Variants in TMEM175 observed in about 807,000 individuals in gnomAD.
TMEM175 encodes the protein transmembrane protein 175, also known as endosomal/lysosomal proton channel TMEM175.
A neutral mutation model predicts 36.5 loss-of-function variants in TMEM175; 36 were observed. The ratio of observed to expected loss-of-function variants is 0.99; its 90% CI spans 0.76 to 1.30. TMEM175 has a LOEUF of 1.30. Ranked by LOEUF, TMEM175 falls within the 50% of genes most tolerant of loss-of-function variation. The probability of loss-of-function intolerance (pLI) is 0.00; values close to 1 mark genes in which losing one functional copy is unlikely to be tolerated. For missense variants in TMEM175, 705 were observed against 692.8 expected, an observed-to-expected ratio of 1.02 and a Z score of -0.20; for synonymous variants, 339 against 313.4, an observed-to-expected ratio of 1.08 and a Z score of -0.86.
intron 10 of TMEM175, chr4:956,443 G>GTTTTTTTTTTTTTTTT: frequency 8.3e-7 from 1 of 1,210,910 alleles, no homozygotes; most frequent in African/African-American, 1.7e-5. Context: ...TTTTTGTGGG[G>GTTTTTTTTTTTTTTTT]TTTTTTTTTT....
At chr4:938,510 AAAG>A (rs1418589556) in intron 1 of TMEM175, among the ~76,000 whole-genome samples, 2 of 152,200 alleles carry the variant, frequency 1.3e-5, no homozygotes, top group African/African-American at 4.8e-5. Flanking sequence ...TCTCCAAAAA[AAAG>A]AAAAAAAAAT....
intron 2 of TMEM175, 66 bp from the exon 3 acceptor site, chr4:948,050 C>T (rs1336139025): frequency 2.5e-6 from 4 of 1,613,428 alleles, no homozygotes; most frequent in Non-Finnish European, 3.4e-6. Context: ...GTCCCCAGTA[C>T]TGCCACACCC....
intron 5 of TMEM175, 101 bp downstream of exon 5, chr4:951,359 G>C: frequency 7.4e-7 from 1 of 1,343,628 alleles, no homozygotes. Flanking sequence ...GTGACCTCCA[G>C]GGAGTCTCGG....
chr4:945,052 G>A lies in TMEM175; in HGVS notation c.-31-2657G>A, dbSNP rs572050570. 7.2e-5 allele frequency among the ~76,000 whole-genome samples: 11 copies of A among 152,296 alleles called. No individual in the cohort carries two copies. In the East Asian group the frequency reaches 1.5e-3, roughly 21 times the overall value. On this transcript the variant is annotated intron_variant, in intron 1 of 10. Transcript: ENST00000264771. ...TAGGAGGTCGAGGCTGCAGTGAGCCGTGATTACGCCACTGCCCTCCAGCGT... is the reference window on the plus strand; with the variant it reads ...TAGGAGGTCGAGGCTGCAGTGAGCCATGATTACGCCACTGCCCTCCAGCGT...
intron 1 of TMEM175, among the ~76,000 whole-genome samples, chr4:945,076 G>A (rs756944907): frequency 1.3e-4 from 19 of 146,306 alleles, no homozygotes; most frequent in Non-Finnish European, 2.6e-4. Flanking sequence ...GCCCTCCAGC[G>A]TGGGCAACAG....
chr4:949,752 G>A (rs935977), intron 3 of TMEM175, among the ~76,000 whole-genome samples: 57,092 of 146,018 alleles, frequency 0.39, 10,962 homozygotes, highest in African/African-American at 0.5. Flanking sequence ...CGCCCACCGC[G>A]GCCCCCAGGG....
At position 951,714 on chromosome 4, in the gene TMEM175, C is replaced by T. The variant is rs753319393; in HGVS notation, c.375C>T (p.Tyr125=). ...TGATGACCATCACCTTCCTGCCTTA[C>T]ACGGTGAGCAACACCAGGCCCCTGA... The part of the protein sequence containing the change: ...ACMMTITFLP[Y]TFSLMVTFPD... The change falls in exon 6 of 11, where the codon TAC becomes TAT. Residue 125 remains tyrosine, a synonymous_variant. Transcript: ENST00000264771. 4 of 1,614,154 alleles carry T rather than the reference C, an allele frequency of 2.5e-6. No individual in the cohort carries two copies. Among genetic ancestry groups the T allele is most frequent in the South Asian group, 2.2e-5 (2 of 91,086 alleles).
intron 3 of TMEM175, among the ~76,000 whole-genome samples, chr4:950,138 G>T (rs549842046): frequency 6.2e-4 from 94 of 152,124 alleles, no homozygotes; most frequent in African/African-American, 2.0e-3. Context: ...ACACCTGTGG[G>T]TGTGGGCATG....
chr4:934,656 T>TA (rs915190315), intron 1 of TMEM175, among the ~76,000 whole-genome samples: 2 of 152,214 alleles, frequency 1.3e-5, no homozygotes, highest in African/African-American at 4.8e-5. Flanking sequence ...TCCAGGGAGC[T>TA]ACAAGGGTGA....
At chr4:954,017 C>T (rs576483992) in intron 8 of TMEM175, among the ~76,000 whole-genome samples, 151 of 150,662 alleles carry the variant, frequency 1.0e-3, no homozygotes, top group Non-Finnish European at 1.9e-3. Flanking sequence ...TTTCTTGAGA[C>T]GGAGTTTTGC....
chr4:939,253 A>T (rs1412012520), intron 1 of TMEM175, among the ~76,000 whole-genome samples: 1 of 152,254 alleles, frequency 6.6e-6, no homozygotes, highest in Non-Finnish European at 1.5e-5. Context: ...TCAACAAATG[A>T]TACTGGAAAA....
Position 958,013 on chromosome 4 carries a change from G to GAC in TMEM175, c.1033_1034insCA (p.Asn345ThrfsTer14), listed in dbSNP as rs1729965156. 6.2e-7 allele frequency: 1 copy of GAC among 1,612,454 alleles called. No homozygotes were observed. The highest frequency in any genetic ancestry group is 2.2e-5 in the East Asian group (1 of 44,870). On this transcript the variant is annotated frameshift_variant, in exon 11 of 11. Coordinates refer to ENST00000264771, the MANE Select transcript of TMEM175 (RefSeq NM_032326.4). LOFTEE classifies it low-confidence loss of function (END_TRUNC). ...AGGCCACGCGGGCCATGGGGCTGCT[G>GAC]AACACGCTCTCGCTGGCCTTCGTGG... is the stretch of plus-strand genomic sequence containing the variant.
At position 957,906 on chromosome 4, in the gene TMEM175, C is replaced by G. The variant is rs199802807; in HGVS notation, c.925C>G (p.Arg309Gly). 6.2e-7 allele frequency: 1 copy of G among 1,612,886 alleles called. No homozygotes were observed. The highest frequency in any genetic ancestry group is 2.2e-5 in the East Asian group (1 of 44,886). ...LVAALSATGP[R>G]FLAYFGSFAT... ...GGCCGCCCTGAGTGCGACCGGGCCG[C>G]GCTTCCTGGCGTACTTCGGCTCCTT... Residue 309 changes from arginine to glycine, a missense_variant, in exon 11 of 11, where the codon CGC becomes GGC. Transcript: ENST00000264771.
At position 951,252 on chromosome 4, in the gene TMEM175, C is replaced by T. The variant is rs1728854217; in HGVS notation, c.336C>T (p.Leu112=). 2 of 1,614,098 alleles carry T rather than the reference C, an allele frequency of 1.2e-6. No homozygotes were observed. Among genetic ancestry groups the T allele is most frequent in the East Asian group, 4.5e-5 (2 of 44,882 alleles). ...VGKTDDTLAL[L]NLACMMTITF... is the part of the protein sequence containing the mutation. ...AAACAGACGACACACTTGCCCTGCT[C>T]AACCTGGTGAGTATTTTCCGGTCCT... Residue 112 remains leucine, a synonymous_variant, in exon 5 of 11, where the codon CTC becomes CTT. Coordinates refer to ENST00000264771, the MANE Select transcript of TMEM175 (RefSeq NM_032326.4).
chr4:941,047 A>AATAATAATAATG (rs1398093894), intron 1 of TMEM175, among the ~76,000 whole-genome samples: 1 of 146,174 alleles, frequency 6.8e-6, no homozygotes, highest in Non-Finnish European at 1.5e-5. Flanking sequence ...TAATAATAAT[A>AATAATAATAATG]ATGGGAGAAA....
chr4:954,355 G>A (rs1729349952), intron 8 of TMEM175, among the ~76,000 whole-genome samples: 1 of 152,238 alleles, frequency 6.6e-6, no homozygotes, highest in South Asian at 2.1e-4. Flanking sequence ...AGTGTTTGGA[G>A]GAGGAGCCCC....
intron 10 of TMEM175, 102 bp downstream of exon 10, chr4:955,992 C>A: frequency 7.2e-7 from 1 of 1,389,912 alleles, no homozygotes; most frequent in Non-Finnish European, 9.9e-7. Flanking sequence ...GGGGTCTTGG[C>A]TCCACCCTCC....
chr4:947,979 C>T (rs1728399783), intron 2 of TMEM175, 87 bp downstream of exon 2: 4 of 1,610,812 alleles, frequency 2.5e-6, no homozygotes, highest in Non-Finnish European at 3.4e-6. Flanking sequence ...CTAGGTCTTG[C>T]CAGCATCCTT....
At position 958,654 on chromosome 4, in the gene TMEM175, A is replaced by C; in HGVS notation, c.*158A>C. On this transcript the variant is annotated 3_prime_UTR_variant, in exon 11 of 11. Coordinates refer to ENST00000264771, the MANE Select transcript of TMEM175 (RefSeq NM_032326.4). ...ATATCATGCTCTTATTTCAGTCCTC[A>C]AATTGTTCTCCACTTTTTGCGGAGA... 1 of 642,364 alleles carries C rather than the reference A, an allele frequency of 1.6e-6. No individual in the cohort carries two copies. Among genetic ancestry groups the C allele is most frequent in the Non-Finnish European group, 2.6e-6 (1 of 389,680 alleles). 39.8% of individuals were successfully genotyped at this position (642,364 alleles called of 1,614,324 possible). A position where few individuals can be genotyped will look rare whatever the true frequency, so the allele number is the denominator to read the frequency against.
Sources: allele counts gnomAD v4.1 joint callset (sites outside exome capture counted in the v4.1 genomes callset), GRCh38; gene constraint gnomAD v4.1.1; transcripts MANE v1.5; gene names NCBI Gene and HGNC (gene_info 2026-07-23, HGNC 2026-07-21).